The following LCTL variants were observed in gnomAD, a reference collection of about 807,000 sequenced individuals.
The protein encoded by LCTL is lactase-like protein.
Under a neutral mutation model 75.8 loss-of-function variants are expected in LCTL, and 76 were observed. That is an observed-to-expected ratio of 1.00 (90% CI 0.83 to 1.21). The LOEUF is 1.21. Ranked by LOEUF, LCTL falls within the 50% of genes most tolerant of loss-of-function variation. The pLI, the probability that LCTL is intolerant of heterozygous loss-of-function variation, is 0.00. For missense variants in LCTL, 670 were observed against 712.4 expected (o/e 0.94, Z 0.68); for synonymous variants, 271 against 268.8 (o/e 1.01, Z -0.08).
Position 66,563,702 on chromosome 15 carries a change from T to C in LCTL, c.371-77A>G. On this transcript the variant is annotated intron_variant, in intron 3 of 12. Transcript: ENST00000341509. ...TTGGCCTTCTGGAGTGCAGCATTCC[T>C]GGGCCCTGTTGCTTTTTGAAGGCCT... is the stretch of plus-strand genomic sequence containing the variant. 3 of 1,113,278 alleles carry C rather than the reference T, an allele frequency of 2.7e-6. No homozygotes were observed. In the South Asian group the frequency reaches 4.2e-5, roughly 15 times the overall value. 69.0% of individuals were successfully genotyped at this position (1,113,278 alleles called of 1,614,324 possible). A position where few individuals can be genotyped will look rare whatever the true frequency, so the allele number is the denominator to read the frequency against.
chr15:66,548,891 T>A (rs987354345), intron 12 of LCTL: 1 of 182,248 alleles, frequency 5.5e-6, no homozygotes, highest in Non-Finnish European at 1.1e-5. Flanking sequence ...CTTTCTAAAT[T>A]CATCTCAGAA....
chr15:66,565,565 T>C (rs1021683044), upstream of LCTL: 3 of 547,892 alleles, frequency 5.5e-6, no homozygotes, highest in African/African-American at 3.9e-5. Context: ...GCTCTGAGAC[T>C]GATGGGCAAG....
At chr15:66,554,019 C>T (rs1281228411) in intron 8 of LCTL, among the ~76,000 whole-genome samples, 2 of 151,362 alleles carry the variant, frequency 1.3e-5, no homozygotes, top group African/African-American at 4.9e-5. Flanking sequence ...TGGCCAGGAG[C>T]GGTGGCTCAA....
At chr15:66,562,729 G>A (rs538342579) in intron 4 of LCTL, among the ~76,000 whole-genome samples, 14 of 151,932 alleles carry the variant, frequency 9.2e-5, no homozygotes, top group African/African-American at 3.1e-4. Flanking sequence ...GATTATAGGC[G>A]CCTGCCACCA....
At chr15:66,551,345 CAAAAAAAAAAAAAAA>C (rs67322943) in intron 11 of LCTL, among the ~76,000 whole-genome samples, 1 of 50,534 alleles carries the variant, frequency 2.0e-5, no homozygotes, top group African/African-American at 7.6e-5. Flanking sequence ...GATTCTGTCT[CAAAAAAAAAAAAAAA>C]AAAAAAAAAA....
At chr15:66,562,306 G>C (rs577402315) in intron 4 of LCTL, among the ~76,000 whole-genome samples, 5 of 151,540 alleles carry the variant, frequency 3.3e-5, no homozygotes, top group African/African-American at 1.2e-4. Context: ...AGGAGGCTGA[G>C]ACAGGAGAAT....
At chr15:66,564,216 A>G (rs12912236) in intron 2 of LCTL, 58,649 of 578,320 alleles carry the variant, frequency 0.1, 3,620 homozygotes, top group Middle Eastern at 0.14. Context: ...GGAGGCACTG[A>G]GAGAAGTCCA....
chr15:66,552,667 C>CAAAAAAAAAAA (rs752480803), intron 9 of LCTL, among the ~76,000 whole-genome samples: 1 of 53,106 alleles, frequency 1.9e-5, no homozygotes, highest in Non-Finnish European at 4.6e-5. Context: ...GAGACTGTCT[C>CAAAAAAAAAAA]AAAAAAAAAA....
intron 1 of LCTL, 91 bp downstream of exon 2, chr15:66,565,157 G>A (rs1895992410): frequency 3.5e-6 from 3 of 860,922 alleles, no homozygotes; most frequent in Non-Finnish European, 5.9e-6. Context: ...TGCCAATCAG[G>A]AAGCAAGAAC....
intron 4 of LCTL, among the ~76,000 whole-genome samples, chr15:66,562,053 C>T (rs1895901972): frequency 6.6e-6 from 1 of 152,138 alleles, no homozygotes; most frequent in Non-Finnish European, 1.5e-5. Flanking sequence ...TTCCTCCCAC[C>T]TCCTGCCCAA....
chr15:66,558,685 GT>G (rs1488062788), intron 6 of LCTL, among the ~76,000 whole-genome samples: 46 of 104,734 alleles, frequency 4.4e-4, no homozygotes, highest in Non-Finnish European at 7.9e-4. Flanking sequence ...GTGTGTGTGT[GT>G]GTTTTTTTTT....
exon 12 of LCTL, chr15:66,550,072 A>G (rs765592456): frequency 6.2e-7 from 1 of 1,606,100 alleles, no homozygotes; most frequent in Admixed American, 1.7e-5. Context: ...TGATAGAGCA[A>G]GTTTCCAAAG....
intron 2 of LCTL, 124 bp downstream of exon 3, chr15:66,564,552 A>T: frequency 8.6e-7 from 1 of 1,159,502 alleles, no homozygotes; most frequent in Non-Finnish European, 1.2e-6. Flanking sequence ...GGTGTTTGGC[A>T]GAGCATGGGG....
chr15:66,556,793 CAA>C (rs1895750506), intron 8 of LCTL, among the ~76,000 whole-genome samples: 1 of 152,158 alleles, frequency 6.6e-6, no homozygotes, highest in East Asian at 1.9e-4. Flanking sequence ...AGGGACTCGG[CAA>C]AGTTTCAGTT....
exon 8 of LCTL, chr15:66,557,840 C>T: frequency 6.2e-7 from 1 of 1,614,090 alleles, no homozygotes; most frequent in Non-Finnish European, 8.5e-7. Flanking sequence ...TACTAATGTC[C>T]ACAGGTTCCC....
chr15:66,550,594 C>T (rs957730937), intron 11 of LCTL, among the ~76,000 whole-genome samples: 1 of 152,074 alleles, frequency 6.6e-6, no homozygotes, highest in African/African-American at 2.4e-5. Flanking sequence ...GATCCTCACA[C>T]CTCAGTCTCT....
chr15:66,565,437 C>T, exon 1 of LCTL: 1 of 996,262 alleles, frequency 1.0e-6, no homozygotes, highest in Non-Finnish European at 1.5e-6. Context: ...GGCTGATGGC[C>T]AGGTCTTGGC....
intron 8 of LCTL, 80 bp downstream of exon 9, chr15:66,557,642 A>T: frequency 6.9e-7 from 1 of 1,447,594 alleles, no homozygotes; most frequent in Non-Finnish European, 9.5e-7. Flanking sequence ...TGAGCTCTTC[A>T]TCCCCCTGCC....
Position 66,553,028 on chromosome 15 carries a change from A to G in LCTL, c.1153T>C (p.Tyr385His), listed in dbSNP as rs1265136477. The G allele has an allele frequency of 6.4e-6, 10 of 1,558,540 alleles. No individual in the cohort carries two copies. The highest frequency in any genetic ancestry group is 5.5e-5 in the African/African-American group (4 of 72,772). ...CTCCTAAATCCCCATGGCACAGAAT[A>G]TAGCCATTTAGACCCCAGATCTGGC... is the stretch of plus-strand genomic sequence containing the variant. Residue 385 changes from tyrosine to histidine, a missense_variant, in exon 9 of 13, where the codon TAT becomes CAT. By Grantham distance (83) the Tyr-to-His change is moderately conservative (BLOSUM62 2). Transcript: ENST00000341509.
Sources: gnomAD v4.1 joint callset for allele counts (sites outside exome capture counted in the v4.1 genomes callset) on GRCh38, gnomAD v4.1.1 for gene constraint, MANE v1.5 for transcripts, NCBI Gene and HGNC (gene_info 2026-07-23, HGNC 2026-07-21) for gene names.